The following CEACAM5 variants were observed in gnomAD, a reference collection of about 807,000 sequenced individuals.
The protein encoded by CEACAM5 is cell adhesion molecule CEACAM5.
A neutral mutation model predicts 63.0 loss-of-function variants in CEACAM5; 52 were observed. The ratio of observed to expected loss-of-function variants is 0.83; its 90% CI spans 0.66 to 1.04. The LOEUF (loss-of-function observed/expected upper bound fraction) is 1.04. Ranked by LOEUF, CEACAM5 falls within the 50% of genes least tolerant of loss-of-function variation. The pLI is 0.00. For synonymous variants in CEACAM5, 357 were observed against 351.3 expected (o/e 1.02, Z -0.18); for missense variants, 790 against 864.8 (o/e 0.91, Z 1.08).
intron 2 of CEACAM5, among the ~76,000 whole-genome samples, chr19:41,711,596 C>T (rs1239648141): frequency 6.6e-6 from 1 of 152,054 alleles, no homozygotes; most frequent in Non-Finnish European, 1.5e-5. Flanking sequence ...TCTGGGGTTC[C>T]TTGGCCATGG....
chr19:41,715,623 C>A, intron 3 of CEACAM5, 27 bp from the exon 4 acceptor site: 1 of 1,613,330 alleles, frequency 6.2e-7, no homozygotes, highest in Non-Finnish European at 8.5e-7. Context: ...GACAATATCA[C>A]CTGTGGCTTT....
chr19:41,722,930 T>C (rs1211380886), intron 8 of CEACAM5, among the ~76,000 whole-genome samples: 1 of 152,060 alleles, frequency 6.6e-6, no homozygotes, highest in Non-Finnish European at 1.5e-5. Context: ...TTTTTTGAGA[T>C]GGAGTCTCGC....
intron 9 of CEACAM5, among the ~76,000 whole-genome samples, chr19:41,728,733 G>A (rs554201628): frequency 7.5e-5 from 11 of 147,486 alleles, no homozygotes; most frequent in Non-Finnish European, 1.5e-4. Context: ...ATTGCAGTGA[G>A]CCGAGATCGT....
chr19:41,717,885 C>G (rs1318312444), intron 5 of CEACAM5, 152 bp downstream of exon 5: 13 of 1,074,252 alleles, frequency 1.2e-5, no homozygotes, highest in African/African-American at 1.6e-5. Flanking sequence ...CCATGCAGGC[C>G]CAGTCCTGAC....
rs782292675 is a variant in CEACAM5, at chr19:41,715,214, C to T, written c.668C>T (p.Ala223Val). Residue 223 changes from alanine to valine, a missense_variant, in exon 3 of 10, where the codon GCC becomes GTC. Ala to Val is a moderately conservative substitution (Grantham distance 64). Coordinates refer to ENST00000221992, the MANE Select transcript of CEACAM5 (RefSeq NM_004363.6). ...TGTGAAACCCAGAACCCAGTGAGTG[C>T]CAGGCGCAGTGATTCAGTCATCCTG... ...YKCETQNPVS[A>V]RRSDSVILNV... is the part of the protein sequence containing the mutation. The T allele has an allele frequency of 6.2e-6, 10 of 1,614,204 alleles. No individual in the cohort carries two copies. The East Asian group carries it at 1.3e-4, about 22-fold the overall frequency.
intron 2 of CEACAM5, among the ~76,000 whole-genome samples, chr19:41,710,487 G>C (rs1050637648): frequency 1.3e-5 from 2 of 152,184 alleles, no homozygotes. Context: ...AGGCTAACTG[G>C]AAGCAAGGAC....
rs536661856 is a variant in CEACAM5, at chr19:41,729,328, T to C, written c.*181T>C. The C allele has an allele frequency of 6.6e-6, 1 of 152,022 alleles. No homozygotes were observed. The highest frequency in any genetic ancestry group is 2.4e-5 in the African/African-American group (1 of 41,450). 9.4% of individuals were successfully genotyped at this position (152,022 alleles called of 1,614,324 possible). On this transcript the variant is annotated 3_prime_UTR_variant, in exon 10 of 10. Coordinates refer to ENST00000221992, the MANE Select transcript of CEACAM5 (RefSeq NM_004363.6). ...CGTGAAACCCCATCTCTACTAAAAA[T>C]ACAAAAATGAGCTGGGCTTGGTGGC... is the stretch of plus-strand genomic sequence containing the variant.
At chr19:41,717,419 C>T in intron 4 of CEACAM5, 36 bp from the exon 5 acceptor site, 1 of 1,588,696 alleles carries the variant, frequency 6.3e-7, no homozygotes, top group Non-Finnish European at 8.6e-7. Flanking sequence ...ATCACAGGTG[C>T]CACACAGGGC....
intron 8 of CEACAM5, among the ~76,000 whole-genome samples, chr19:41,723,103 T>A (rs1221243972): frequency 6.6e-6 from 1 of 151,960 alleles, no homozygotes; most frequent in East Asian, 1.9e-4. Context: ...TAGTAGAGAC[T>A]GAGTTTCACA....
intron 8 of CEACAM5, among the ~76,000 whole-genome samples, chr19:41,723,995 A>T (rs2072664283): frequency 6.6e-6 from 1 of 150,968 alleles, no homozygotes; most frequent in Non-Finnish European, 1.5e-5. Context: ...CAGTTTATCA[A>T]TTTTTTTCTT....
At chr19:41,729,145 T>C (rs1433041691) in intron 9 of CEACAM5, 39 bp from the exon 10 acceptor site, 1 of 152,230 alleles carries the variant, frequency 6.6e-6, no homozygotes, top group African/African-American at 2.4e-5. Context: ...TATCATCAGA[T>C]TTTTAACTGT....
chr19:41,723,167 C>T (rs2072652017), intron 8 of CEACAM5, among the ~76,000 whole-genome samples: 1 of 152,154 alleles, frequency 6.6e-6, no homozygotes, highest in East Asian at 1.9e-4. Context: ...CTGCCTTGGC[C>T]TCCCAAAGTG....
At chr19:41,724,532 G>A (rs782370887) in intron 8 of CEACAM5, among the ~76,000 whole-genome samples, 5 of 152,130 alleles carry the variant, frequency 3.3e-5, no homozygotes, top group South Asian at 2.1e-4. Flanking sequence ...TACAAATTGC[G>A]TTGAACCTGC....
chr19:41,726,467 G>GA (rs1234152153), intron 8 of CEACAM5, among the ~76,000 whole-genome samples: 2 of 151,948 alleles, frequency 1.3e-5, no homozygotes, highest in Non-Finnish European at 2.9e-5. Flanking sequence ...ATGGGGGAGA[G>GA]AAAAAAAAGT....
intron 1 of CEACAM5, 63 bp from the exon 2 acceptor site, chr19:41,709,617 C>T (rs2072400147): frequency 6.4e-7 from 1 of 1,561,270 alleles, no homozygotes; most frequent in South Asian, 1.2e-5. Context: ...GGACCCAGGA[C>T]CCCATTTTTC....
At chr19:41,717,902 T>C (rs1366942345) in intron 5 of CEACAM5, among the ~76,000 whole-genome samples, 169 bp downstream of exon 5, 1 of 152,068 alleles carries the variant, frequency 6.6e-6, no homozygotes, top group Non-Finnish European at 1.5e-5. Flanking sequence ...TGACCAAGAA[T>C]AGGAGGGGAG....
At chr19:41,709,537 GACACACACACACAC>G (rs71334990) in intron 1 of CEACAM5, 129 bp from the exon 2 acceptor site, 5 of 1,115,862 alleles carry the variant, frequency 4.5e-6, no homozygotes, top group Non-Finnish European at 5.0e-6. Flanking sequence ...GACCTAGTAG[GACACACACACACAC>G]ACACACACAC....
intron 7 of CEACAM5, 128 bp from the exon 8 acceptor site, chr19:41,720,794 C>T: frequency 7.9e-7 from 1 of 1,270,084 alleles, no homozygotes; most frequent in South Asian, 1.4e-5. Context: ...GCCACCGCAC[C>T]CGGCCGATTT....
At chr19:41,710,480 C>T (rs2072419051) in intron 2 of CEACAM5, among the ~76,000 whole-genome samples, 2 of 152,168 alleles carry the variant, frequency 1.3e-5, no homozygotes, top group South Asian at 4.1e-4. Context: ...CTGGGCAAGG[C>T]TAACTGGAAG....
Sources: allele counts gnomAD v4.1 joint callset (sites outside exome capture counted in the v4.1 genomes callset), GRCh38; gene constraint gnomAD v4.1.1; transcripts MANE v1.5; gene names NCBI Gene and HGNC (gene_info 2026-07-23, HGNC 2026-07-21).